The following TSPOAP1 variants were observed in gnomAD, a reference collection of about 807,000 sequenced individuals.
The protein encoded by TSPOAP1 is peripheral-type benzodiazepine receptor-associated protein 1.
Under a neutral mutation model 197.0 loss-of-function variants are expected in TSPOAP1, and 87 were observed. The observed-to-expected ratio is 0.44, with a 90% CI of 0.37 to 0.53. The LOEUF (loss-of-function observed/expected upper bound fraction) is 0.53, where lower values mean the gene tolerates loss of function less well. TSPOAP1 is among the 20% of genes least tolerant of loss of function. TSPOAP1 has a pLI of 0.00. For synonymous variants in TSPOAP1, 913 were observed against 998.9 expected (o/e 0.91, Z 1.62); for missense variants, 2,174 against 2,411.3 (o/e 0.90, Z 2.06).
chr17:58,308,548 A>G lies in TSPOAP1; in HGVS notation c.4724T>C (p.Leu1575Pro). 1 of 1,527,686 alleles carries G rather than the reference A, an allele frequency of 6.5e-7. No individual in the cohort carries two copies. Among genetic ancestry groups the G allele is most frequent in the Non-Finnish European group, 8.8e-7 (1 of 1,136,386 alleles). The allele number at this position is 1,527,686 out of a possible 1,614,324, so 94.6% of individuals were successfully genotyped here. ...RSATGRAKEP[L>P]SRATETGEAR... ...CGGGGAGTGAGCACGGACCCGGGAG[A>G]GTGGCTCCTTGGCTCTGCCCGTCGC... Residue 1575 changes from leucine (L) to proline (P), a missense_variant, in exon 22 of 32, where the codon CTC becomes CCC. Physicochemically the swap from Leu to Pro is moderately conservative, Grantham distance 98 (BLOSUM62 -3). Around this residue, in one of 5 missense-constraint regions of TSPOAP1, gnomAD observed 1,933 missense variants for 2,139.0 expected, o/e 0.90. Transcript: ENST00000343736.
At position 58,304,991 on chromosome 17, in the gene TSPOAP1, G is replaced by A. The variant is rs745756702; in HGVS notation, c.5544+70C>T. 3.2e-5 allele frequency: 39 copies of A among 1,202,054 alleles called. No homozygotes were observed. The highest frequency in any genetic ancestry group is 4.6e-5 in the Non-Finnish European group (37 of 804,276). 74.5% of individuals were successfully genotyped at this position (1,202,054 alleles called of 1,614,324 possible). ...CCAGCTGCACCCCTGCCGCAACACT[G>A]CCCTGGCCCTACCACCCCACCAGTA... On this transcript the variant is annotated intron_variant, in intron 30 of 31. Transcript: ENST00000343736. The surrounding 1 kb of genome is among the most constrained non-coding windows in gnomAD (Gnocchi z 4.2).
chr17:58,304,302 G>A lies in TSPOAP1; in HGVS notation c.*32+36C>T. 2.5e-6 allele frequency: 4 copies of A among 1,571,088 alleles called. No individual in the cohort carries two copies. Among genetic ancestry groups the A allele is most frequent in the Non-Finnish European group, 3.5e-6 (4 of 1,141,618 alleles). On this transcript the variant is annotated intron_variant, in intron 31 of 31. Coordinates refer to ENST00000343736, the MANE Select transcript of TSPOAP1 (RefSeq NM_004758.4). This position sits in a 1 kb window ranked among gnomAD's most constrained non-coding sequence, Gnocchi z 4.2. ...ACTGTCTGATTATGGTCAAGTGGGGGTGGACGGTCACACAGGGGGGCAGTC... is the reference window on the plus strand; with the variant it reads ...ACTGTCTGATTATGGTCAAGTGGGGATGGACGGTCACACAGGGGGGCAGTC...
chr17:58,306,353 C>G lies in TSPOAP1; in HGVS notation c.5213G>C (p.Arg1738Pro). 1.3e-6 allele frequency: 2 copies of G among 1,554,032 alleles called. No individual in the cohort carries two copies. Among genetic ancestry groups the G allele is most frequent in the Non-Finnish European group, 8.7e-7 (1 of 1,148,090 alleles). Residue 1738 changes from arginine to proline, a missense_variant, in exon 26 of 32, where the codon CGC (arginine) becomes CCC (proline). This residue lies in a region of TSPOAP1 where 161 missense variants were observed against 159.1 expected (regional missense o/e 1.01). Coordinates refer to ENST00000343736, the MANE Select transcript of TSPOAP1 (RefSeq NM_004758.4). ...HTTGPPPKPR[R>P]SKKAESEGPA... ...GGGGTCTTACCCACCTTTCTTGGAG[C>G]GGCGGGGCTTGGGAGGAGGCCCAGT...
At position 58,326,892 on chromosome 17, in the gene TSPOAP1, G is replaced by T. The variant is rs1971631593; in HGVS notation, c.334-102C>A. On this transcript the variant is annotated intron_variant, in intron 1 of 31. Coordinates refer to ENST00000343736, the MANE Select transcript of TSPOAP1 (RefSeq NM_004758.4). The surrounding 1 kb of genome is among the most constrained non-coding windows in gnomAD (Gnocchi z 4.7). The stretch of plus-strand genomic sequence containing the variant: ...CACCATCCATGGTCCAAGGAGACAT[G>T]GAGATGAAACGGTTTCCCCTATGTC... The T allele has an allele frequency of 7.9e-6, 8 of 1,007,510 alleles. No individual in the cohort carries two copies. The East Asian group carries it at 2.0e-4, about 25-fold the overall frequency. 62.4% of individuals were successfully genotyped at this position (1,007,510 alleles called of 1,614,324 possible). A position where few individuals can be genotyped will look rare whatever the true frequency, so the allele number is the denominator to read the frequency against.
chr17:58,325,728 G>A lies in TSPOAP1; in HGVS notation c.571-15C>T, dbSNP rs1971572308. 1 of 1,592,680 alleles carries A rather than the reference G, an allele frequency of 6.3e-7. No individual in the cohort carries two copies. ...GGGGCACTCACCTAGCCAGAGGAGGGGTAAGGCCAATGGTCACCTGAGGGC... is the reference window on the plus strand; with the variant it reads ...GGGGCACTCACCTAGCCAGAGGAGGAGTAAGGCCAATGGTCACCTGAGGGC... On this transcript the variant is annotated splice_polypyrimidine_tract_variant and intron_variant, in intron 3 of 31. Coordinates refer to ENST00000343736, the MANE Select transcript of TSPOAP1 (RefSeq NM_004758.4).
intron 5 of TSPOAP1, among the ~76,000 whole-genome samples, chr17:58,323,926 G>A (rs1971480145): frequency 6.6e-6 from 1 of 152,152 alleles, no homozygotes; most frequent in Non-Finnish European, 1.5e-5. Context: ...AGGCTGCCTG[G>A]GCCCCCGGGG....
chr17:58,311,576 G>T lies in TSPOAP1; in HGVS notation c.3076C>A (p.Gln1026Lys). 1.3e-6 allele frequency: 2 copies of T among 1,575,036 alleles called. No individual in the cohort carries two copies. The highest frequency in any genetic ancestry group is 1.7e-6 in the Non-Finnish European group (2 of 1,156,192). Reference sequence around the variant, plus strand: ...TACAGTGGGCAGGGCTATACCTTCTGCCCATCAGCGTAGATGGCATAGCCT... The same window carrying T: ...TACAGTGGGCAGGGCTATACCTTCTTCCCATCAGCGTAGATGGCATAGCCT... ...VTGYAIYADG[Q>K]KIMEVASPTA... is the part of the protein sequence containing the mutation. The change falls in exon 18 of 32, where the codon CAG (glutamine) becomes AAG (lysine). Residue 1026 changes from glutamine to lysine, a missense_variant. Physicochemically the swap from Gln to Lys is moderately conservative, Grantham distance 53. Around this residue, in one of 5 missense-constraint regions of TSPOAP1, gnomAD observed 1,933 missense variants for 2,139.0 expected, o/e 0.90. Coordinates refer to ENST00000343736, the MANE Select transcript of TSPOAP1 (RefSeq NM_004758.4).
intron 26 of TSPOAP1, among the ~76,000 whole-genome samples, chr17:58,306,068 T>C (rs1970879594): frequency 6.6e-6 from 1 of 152,156 alleles, no homozygotes; most frequent in South Asian, 2.1e-4. Context: ...ACGGATTTTA[T>C]AGTCAGGTGC....
chr17:58,325,521 G>C lies in TSPOAP1; in HGVS notation c.750+13C>G, dbSNP rs532594699. ...GGGCTGAGCTGGAAGAGGTGACCAGGGCCTCCTCGCACCTTGCCCACCAGA... is the reference window on the plus strand; with the variant it reads ...GGGCTGAGCTGGAAGAGGTGACCAGCGCCTCCTCGCACCTTGCCCACCAGA... On this transcript the variant is annotated intron_variant, in intron 4 of 31. Coordinates refer to ENST00000343736, the MANE Select transcript of TSPOAP1 (RefSeq NM_004758.4). 8.7e-6 allele frequency: 14 copies of C among 1,611,570 alleles called. 1 individual carries two copies. The South Asian group carries it at 1.5e-4, about 18-fold the overall frequency.
In TSPOAP1 at chr17:58,306,826, G is replaced by C. The variant is rs146558851; in HGVS notation, c.5126C>G (p.Ser1709Cys). The C allele has an allele frequency of 6.2e-7, 1 of 1,613,714 alleles. No homozygotes were observed. Among genetic ancestry groups the C allele is most frequent in the African/African-American group, 1.3e-5 (1 of 74,914 alleles). ...RQQLLQRGYL[S>C]PDILLEGSGN... Reference sequence around the variant, plus strand: ...TGAGCCCTCAAGGAGAATATCTGGGGACAAATAACCCCGCTGGAGCAGTTG... The same window carrying C: ...TGAGCCCTCAAGGAGAATATCTGGGCACAAATAACCCCGCTGGAGCAGTTG... Residue 1709 changes from serine to cysteine, a missense_variant, in exon 25 of 32, where the codon TCC (serine) becomes TGC (cysteine). Physicochemically the swap from Ser to Cys is moderately radical, Grantham distance 112. This residue lies in a region of TSPOAP1 where 161 missense variants were observed against 159.1 expected (regional missense o/e 1.01). Transcript: ENST00000343736.
chr17:58,311,383 G>T, intron 18 of TSPOAP1, 170 bp from the exon 19 acceptor site: 1 of 1,244,168 alleles, frequency 8.0e-7, no homozygotes, highest in South Asian at 1.5e-5. Flanking sequence ...TGGCCATATG[G>T]CTTCAGTGAT....
intron 29 of TSPOAP1, 38 bp from the exon 30 acceptor site, chr17:58,305,209 G>C (rs1377850701): frequency 5.1e-6 from 8 of 1,555,630 alleles, no homozygotes; most frequent in Non-Finnish European, 7.1e-6. Flanking sequence ...GATCAGGAAA[G>C]AGGCTCTGGC....
In TSPOAP1 at chr17:58,312,350, T is replaced by C; in HGVS notation, c.2471A>G (p.His824Arg). The C allele has an allele frequency of 1.2e-6, 2 of 1,612,286 alleles. No homozygotes were observed. The highest frequency in any genetic ancestry group is 2.2e-5 in the East Asian group (1 of 44,854). Reference protein sequence around the residue: ...PPEQVELHGFHICVNGELRQA... With the variant: ...PPEQVELHGFRICVNGELRQA... The stretch of plus-strand genomic sequence containing the variant: ...TCGCAGCTCCCCATTCACACAGATA[T>C]GGAAGCCGTGTAGCTCCACTTGCTC... The change falls in exon 17 of 32, where the codon CAT becomes CGT. Residue 824 changes from histidine (H) to arginine (R), a missense_variant. By Grantham distance (29) the His-to-Arg change is conservative. Transcript: ENST00000343736.
intron 10 of TSPOAP1, among the ~76,000 whole-genome samples, chr17:58,321,301 T>TC (rs1971398339): frequency 1.3e-5 from 1 of 76,394 alleles, no homozygotes; most frequent in Admixed American, 1.3e-4. Context: ...TTGTCAATTC[T>TC]TTTTTTTTTT....
Position 58,324,981 on chromosome 17 carries a change from C to T in TSPOAP1, c.772G>A (p.Val258Met). Residue 258 changes from valine (V) to methionine (M), a missense_variant, in exon 5 of 32, where the codon GTG becomes ATG. Physicochemically the swap from Val to Met is conservative, Grantham distance 21. Around this residue, in one of 5 missense-constraint regions of TSPOAP1, gnomAD observed 1,933 missense variants for 2,139.0 expected, o/e 0.90. Transcript: ENST00000343736. This position sits in a 1 kb window ranked among gnomAD's most constrained non-coding sequence, Gnocchi z 5.8. ...VGKEGPQWLH[V>M]RDFDRLLRES... ...CGCAGCAGCCGATCGAAGTCCCGCA[C>T]GTGGAGCCACTGGGGACCCTCCTGA... The T allele has an allele frequency of 1.3e-6, 2 of 1,537,038 alleles. No individual in the cohort carries two copies. The highest frequency in any genetic ancestry group is 8.8e-7 in the Non-Finnish European group (1 of 1,142,658).
rs762565614 is a variant in TSPOAP1 at position 58,311,711 on chromosome 17, C to A, written c.2941G>T (p.Ala981Ser). The A allele has an allele frequency of 3.8e-6, 6 of 1,577,176 alleles. No individual in the cohort carries two copies. Among genetic ancestry groups the A allele is most frequent in the Non-Finnish European group, 5.2e-6 (6 of 1,157,852 alleles). Reference sequence around the variant, plus strand: ...GGCTCGATCTGCACATCCAGAGGGGCATCAGGTGGGCCTGGGGGCAGGGGG... The same window carrying A: ...GGCTCGATCTGCACATCCAGAGGGGAATCAGGTGGGCCTGGGGGCAGGGGG... The part of the protein sequence containing the change: ...FTTLPAGPPD[A>S]PLDVQIEPGP... The change falls in exon 18 of 32, where the codon GCC becomes TCC. Residue 981 changes from alanine (A) to serine (S), a missense_variant. Ala to Ser is a moderately conservative substitution (Grantham distance 99). Coordinates refer to ENST00000343736, the MANE Select transcript of TSPOAP1 (RefSeq NM_004758.4).
At position 58,306,354 on chromosome 17, in the gene TSPOAP1, G is replaced by A. The variant is rs771037535; in HGVS notation, c.5212C>T (p.Arg1738Cys). 1.4e-5 allele frequency: 22 copies of A among 1,554,248 alleles called. No individual in the cohort carries two copies. Among genetic ancestry groups the A allele is most frequent in the South Asian group, 3.6e-5 (3 of 84,210 alleles). The change falls in exon 26 of 32, where the codon CGC becomes TGC. Residue 1738 changes from arginine to cysteine, a missense_variant. By Grantham distance (180) the Arg-to-Cys change is radical (BLOSUM62 -3). Around this residue, in one of 5 missense-constraint regions of TSPOAP1, gnomAD observed 161 missense variants for 159.1 expected, o/e 1.01. Transcript: ENST00000343736. ...HTTGPPPKPRRSKKAESEGPA... is the reference protein window; with the variant it reads ...HTTGPPPKPRCSKKAESEGPA... ...GGGTCTTACCCACCTTTCTTGGAGCGGCGGGGCTTGGGAGGAGGCCCAGTT... is the reference window on the plus strand; with the variant it reads ...GGGTCTTACCCACCTTTCTTGGAGCAGCGGGGCTTGGGAGGAGGCCCAGTT...
In TSPOAP1 at chr17:58,304,750, A is replaced by G. The variant is rs1199489092; in HGVS notation, c.5544+311T>C. ...TGAAACAGGGACTTTGATTGGCCACAGGTGTGAGGCAGAGGGGTCCTTTTC... is the reference window on the plus strand; with the variant it reads ...TGAAACAGGGACTTTGATTGGCCACGGGTGTGAGGCAGAGGGGTCCTTTTC... On this transcript the variant is annotated intron_variant, in intron 30 of 31. Transcript: ENST00000343736. This position sits in a 1 kb window ranked among gnomAD's most constrained non-coding sequence, Gnocchi z 4.2. 27 of 572,736 alleles carry G rather than the reference A, an allele frequency of 4.7e-5. No individual in the cohort carries two copies. The highest frequency in any genetic ancestry group is 8.2e-5 in the Non-Finnish European group (26 of 315,418). 35.5% of individuals were successfully genotyped at this position (572,736 alleles called of 1,614,324 possible).
In TSPOAP1 at chr17:58,326,927, CAG is replaced by C; in HGVS notation, c.334-139_334-138del. The C allele has an allele frequency of 1.4e-6, 1 of 714,812 alleles. No homozygotes were observed. The highest frequency in any genetic ancestry group is 2.4e-6 in the Non-Finnish European group (1 of 410,582). 44.3% of individuals were successfully genotyped at this position (714,812 alleles called of 1,614,324 possible). On this transcript the variant is annotated intron_variant, in intron 1 of 31. Transcript: ENST00000343736. This position sits in a 1 kb window ranked among gnomAD's most constrained non-coding sequence, Gnocchi z 4.7. The stretch of plus-strand genomic sequence containing the variant: ...CGGTTTCCCCTATGTCCCAGGCCTT[CAG>C]AGAGGAGCAGAGGAGGCCTAGGAGA...
Sources: allele counts gnomAD v4.1 joint callset (sites outside exome capture counted in the v4.1 genomes callset), GRCh38; gene constraint gnomAD v4.1.1; regional missense constraint gnomAD v4.1.1; non-coding constraint Gnocchi (gnomAD v3.1); transcripts MANE v1.5; gene names NCBI Gene and HGNC (gene_info 2026-07-23, HGNC 2026-07-21).